The following ANK1 variants were observed in gnomAD, a reference collection of about 807,000 sequenced individuals.
ANK1 encodes ankyrin-1.
ANK1 carries 51 observed loss-of-function variants against 210.4 expected under a neutral mutation model. That is an observed-to-expected ratio of 0.24 (90% CI 0.19 to 0.31). The LOEUF (loss-of-function observed/expected upper bound fraction) is 0.31. Among genes scored for constraint, ANK1 ranks in the 10% least tolerant of loss-of-function variants. The pLI is 1.00. For synonymous variants in ANK1, 967 were observed against 1,025.9 expected, an observed-to-expected ratio of 0.94 and a Z score of 1.10; for missense variants, 2,051 against 2,504.4, an observed-to-expected ratio of 0.82 and a Z score of 3.86.
intron 1 of ANK1, among the ~76,000 whole-genome samples, chr8:41,820,661 C>A (rs1804106369): frequency 6.6e-6 from 1 of 152,164 alleles, no homozygotes; most frequent in Admixed American, 6.5e-5. Context: ...TGGGTACCAA[C>A]TGTAGGGAAG....
chr8:41,845,267 C>A (rs1291949525), intron 1 of ANK1, among the ~76,000 whole-genome samples: 2 of 151,972 alleles, frequency 1.3e-5, no homozygotes, highest in Non-Finnish European at 2.9e-5. Context: ...TGCCTGTAGA[C>A]CCAGCTACTG....
intron 1 of ANK1, among the ~76,000 whole-genome samples, chr8:41,831,423 G>A (rs1472097771): frequency 3.9e-5 from 6 of 152,134 alleles, no homozygotes; most frequent in African/African-American, 1.2e-4. Context: ...CAAGGTGGGC[G>A]GATCACTTGA....
chr8:41,721,769 A>G (rs966309677), intron 9 of ANK1, among the ~76,000 whole-genome samples: 3 of 151,866 alleles, frequency 2.0e-5, no homozygotes, highest in Non-Finnish European at 2.9e-5. Flanking sequence ...TAAGCCACTC[A>G]GCATGTGGTT....
chr8:41,671,884 C>G (rs1010376272), intron 38 of ANK1, among the ~76,000 whole-genome samples: 5 of 137,840 alleles, frequency 3.6e-5, no homozygotes, highest in Non-Finnish European at 7.7e-5. Context: ...CCCGATGTCC[C>G]TGAGTCCTCC....
rs1319885121 is a variant in ANK1, at chr8:41,780,645, ATG to A, written c.27+16865_27+16866del. Among the ~76,000 whole-genome samples the A allele has an allele frequency of 1.0e-3, 152 of 152,324 alleles. 1 individual carries two copies. Among genetic ancestry groups the A allele is most frequent in the Middle Eastern group, 6.8e-3 (2 of 294 alleles). ...TGGCAGCGCTGGCCGCCAAGGGAACATGTGTTCCATGGGCCACCCGGAGGGAA... is the reference window on the plus strand; with the variant it reads ...TGGCAGCGCTGGCCGCCAAGGGAACATGTTCCATGGGCCACCCGGAGGGAA... On this transcript the variant is annotated intron_variant, in intron 1 of 42. Transcript: ENST00000289734.
intron 6 of ANK1, 109 bp downstream of exon 6, chr8:41,725,652 C>A: frequency 6.9e-7 from 1 of 1,456,430 alleles, no homozygotes; most frequent in Non-Finnish European, 9.3e-7. Flanking sequence ...GCGCACTGCC[C>A]GCCCTGCACG....
At chr8:41,753,594 G>A (rs1838328264) in intron 2 of ANK1, among the ~76,000 whole-genome samples, 1 of 152,132 alleles carries the variant, frequency 6.6e-6, no homozygotes, top group Admixed American at 6.5e-5. Flanking sequence ...TTACATGAAT[G>A]TACTGCATGA....
chr8:41,747,746 T>C (rs1363731110), intron 2 of ANK1, among the ~76,000 whole-genome samples: 1 of 152,194 alleles, frequency 6.6e-6, no homozygotes, highest in Non-Finnish European at 1.5e-5. Context: ...AGAGTGTGTG[T>C]TCCTTGCACT....
At chr8:41,702,827 G>A (rs1408817052) in intron 20 of ANK1, among the ~76,000 whole-genome samples, 1 of 151,764 alleles carries the variant, frequency 6.6e-6, no homozygotes, top group Non-Finnish European at 1.5e-5. Flanking sequence ...GTCCACTTTT[G>A]TGTGTGTGTG....
At chr8:41,785,611 G>C (rs959095977) in intron 1 of ANK1, among the ~76,000 whole-genome samples, 8 of 152,144 alleles carry the variant, frequency 5.3e-5, no homozygotes, top group Admixed American at 2.0e-4. Context: ...GCTGGGGTCC[G>C]ACCTTCCCCT....
chr8:41,803,060 A>AAGGAAGGAAGG (rs1320748248), intron 1 of ANK1, among the ~76,000 whole-genome samples: 1 of 59,036 alleles, frequency 1.7e-5, no homozygotes, highest in African/African-American at 8.1e-5. Flanking sequence ...AGAAAGAGAG[A>AAGGAAGGAAGG]AAGGAAGGAA....
intron 1 of ANK1, among the ~76,000 whole-genome samples, chr8:41,892,716 AG>A (rs1819692204): frequency 6.6e-6 from 1 of 152,200 alleles, no homozygotes; most frequent in Non-Finnish European, 1.5e-5. Flanking sequence ...AGTCAGTCAA[AG>A]GGTGTATCAT....
At chr8:41,748,944 A>C (rs1836922391) in intron 2 of ANK1, among the ~76,000 whole-genome samples, 1 of 151,994 alleles carries the variant, frequency 6.6e-6, no homozygotes, top group South Asian at 2.1e-4. Flanking sequence ...CTGAGGCAGG[A>C]GAATGGCATG....
chr8:41,875,311 G>A (rs1019823659), intron 1 of ANK1, among the ~76,000 whole-genome samples: 1 of 152,234 alleles, frequency 6.6e-6, no homozygotes, highest in Admixed American at 6.5e-5. Context: ...CAGCAGGCAT[G>A]TTGAAGAACT....
chr8:41,753,177 A>T (rs1838225466), intron 2 of ANK1, among the ~76,000 whole-genome samples: 2 of 148,928 alleles, frequency 1.3e-5, no homozygotes, highest in African/African-American at 5.0e-5. Flanking sequence ...ATTCTCTTGC[A>T]TCTCAGCTTC....
chr8:41,704,276 TG>T lies in ANK1; in HGVS notation c.2196+97del. The T allele has an allele frequency of 7.1e-7, 1 of 1,411,856 alleles. No individual in the cohort carries two copies. Among genetic ancestry groups the T allele is most frequent in the Non-Finnish European group, 1.0e-6 (1 of 998,338 alleles). 87.5% of individuals were successfully genotyped at this position (1,411,856 alleles called of 1,614,324 possible). ...TCCCCCTTTCTTCCTTCAGGGTCCATGGTCAAAACCCTAGTGCTCCCAGAGC... is the reference window on the plus strand; with the variant it reads ...TCCCCCTTTCTTCCTTCAGGGTCCATGTCAAAACCCTAGTGCTCCCAGAGC... On this transcript the variant is annotated intron_variant, in intron 19 of 42. Transcript: ENST00000289734. The surrounding 1 kb of genome is among the most constrained non-coding windows in gnomAD (Gnocchi z 4.1).
At chr8:41,861,566 C>T (rs908279526) in intron 1 of ANK1, among the ~76,000 whole-genome samples, 5 of 152,266 alleles carry the variant, frequency 3.3e-5, no homozygotes. Flanking sequence ...GGAGACCCCA[C>T]TCTGCTGCTG....
rs146346710 is a variant in ANK1, at chr8:41,725,810, G to A, written c.563C>T (p.Thr188Met). ...HIAARNDDTR[T>M]AAVLLQNDPN... is the part of the protein sequence containing the mutation. ...GTCGTTCTGCAGCAGCACCGCAGCC[G>A]TGCGCGTGTCGTCGTTGCGGGCCGC... The change falls in exon 6 of 43, where the codon ACG (threonine) becomes ATG (methionine). Residue 188 changes from threonine to methionine, a missense_variant. This residue lies in a region of ANK1 where 1,413 missense variants were observed against 1,707.4 expected (regional missense o/e 0.83). Coordinates refer to ENST00000289734, the MANE Select transcript of ANK1 (RefSeq NM_000037.4). The A allele has an allele frequency of 4.7e-5, 76 of 1,611,850 alleles. No homozygotes were observed. In the Middle Eastern group the frequency reaches 5.8e-4, roughly 12 times the overall value.
chr8:41,712,709 A>T (rs936529019), intron 16 of ANK1, among the ~76,000 whole-genome samples: 3 of 152,180 alleles, frequency 2.0e-5, no homozygotes, highest in African/African-American at 7.2e-5. Context: ...GTGCAGAGAG[A>T]TTTGCATGTG....
Sources: gnomAD v4.1 joint callset for allele counts (sites outside exome capture counted in the v4.1 genomes callset) on GRCh38, gnomAD v4.1.1 for gene constraint, gnomAD v4.1.1 regional missense constraint, Gnocchi (gnomAD v3.1) non-coding constraint, MANE v1.5 for transcripts, NCBI Gene and HGNC (gene_info 2026-07-23, HGNC 2026-07-21) for gene names.